The following STXBP6 variants were observed in gnomAD, a reference collection of about 807,000 sequenced individuals.
The protein encoded by STXBP6 is syntaxin-binding protein 6.
In STXBP6, 21 loss-of-function variants were observed where a neutral mutation model predicts 26.9. That is an observed-to-expected ratio of 0.78 (90% CI 0.55 to 1.12). STXBP6 has a LOEUF of 1.12. Ranked by LOEUF, STXBP6 falls within the 50% of genes most tolerant of loss-of-function variation. The pLI is 0.00. For missense variants in STXBP6, 232 were observed against 257.9 expected (o/e 0.90, Z 0.69); for synonymous variants, 97 against 92.6 (o/e 1.05, Z -0.27).
chr14:25,019,194 A>C (rs974219743), intron 1 of STXBP6, among the ~76,000 whole-genome samples: 7 of 152,226 alleles, frequency 4.6e-5, no homozygotes, highest in Admixed American at 3.3e-4. Flanking sequence ...TTATGTTCTT[A>C]CTAGAGACAA....
At chr14:24,945,166 T>TTTTTTTTTC (rs1491578209) in intron 2 of STXBP6, among the ~76,000 whole-genome samples, 1 of 143,782 alleles carries the variant, frequency 7.0e-6, no homozygotes, top group Admixed American at 7.0e-5. Flanking sequence ...TTTTTTTTTT[T>TTTTTTTTTC]AGCAGATTCC....
Position 24,812,676 on chromosome 14 carries a change from C to G in STXBP6, c.*33G>C. On this transcript the variant is annotated 3_prime_UTR_variant, in exon 6 of 6. Coordinates refer to ENST00000323944, the MANE Select transcript of STXBP6 (RefSeq NM_001394410.1). Reference sequence around the variant, plus strand: ...AACTGCTGAACAAACTCTTCAGTTTCTCTTAAGAAGAGTCACCAGGATAGG... The same window carrying G: ...AACTGCTGAACAAACTCTTCAGTTTGTCTTAAGAAGAGTCACCAGGATAGG... 6.2e-6 allele frequency: 10 copies of G among 1,609,656 alleles called. No individual in the cohort carries two copies. Among genetic ancestry groups the G allele is most frequent in the Non-Finnish European group, 7.7e-6 (9 of 1,176,060 alleles).
At chr14:24,904,914 A>G (rs147023599) in intron 2 of STXBP6, among the ~76,000 whole-genome samples, 1 of 152,340 alleles carries the variant, frequency 6.6e-6, no homozygotes, top group East Asian at 1.9e-4. Context: ...ATTTGATTAG[A>G]AAATTACCAT....
chr14:24,959,233 G>A (rs2073444958), intron 2 of STXBP6, among the ~76,000 whole-genome samples: 1 of 152,100 alleles, frequency 6.6e-6, no homozygotes, highest in Admixed American at 6.6e-5. Flanking sequence ...CAGATCAGTC[G>A]CTCTGAGGAA....
chr14:24,951,542 G>T (rs1237041006), intron 2 of STXBP6, among the ~76,000 whole-genome samples: 1 of 152,096 alleles, frequency 6.6e-6, no homozygotes, highest in Non-Finnish European at 1.5e-5. Flanking sequence ...GTCTGTTCAT[G>T]TCCTTTGCCC....
At chr14:24,840,841 T>C (rs1261756926) in intron 4 of STXBP6, among the ~76,000 whole-genome samples, 1 of 97,606 alleles carries the variant, frequency 1.0e-5, no homozygotes, top group East Asian at 3.0e-4. Flanking sequence ...ATGTAACTGC[T>C]TTTTTTTTTT....
rs562990634 is a variant in STXBP6, at chr14:25,041,087, C to T, written c.-33+8791G>A. On this transcript the variant is annotated intron_variant, in intron 1 of 5. Coordinates refer to ENST00000323944, the MANE Select transcript of STXBP6 (RefSeq NM_001394410.1). ...CTGTAATCCCAGCACTTTGGGAGGC[C>T]GAGGTGGGTGGATCACCTAGGTCAG... 3.9e-5 allele frequency among the ~76,000 whole-genome samples: 6 copies of T among 152,170 alleles called. No individual in the cohort carries two copies. In the South Asian group the frequency reaches 8.3e-4, roughly 21 times the overall value.
intron 5 of STXBP6, chr14:24,818,187 G>A: frequency 2.2e-6 from 1 of 454,946 alleles, no homozygotes; most frequent in Admixed American, 2.4e-5. Flanking sequence ...GTTTCTGGAA[G>A]GCTAAATTCA....
chr14:25,035,152 CAA>C (rs1168180231), intron 1 of STXBP6, among the ~76,000 whole-genome samples: 55 of 77,826 alleles, frequency 7.1e-4, no homozygotes, highest in Non-Finnish European at 6.6e-4. Context: ...ACTCTGTCTC[CAA>C]AAAAAAAAAA....
intron 2 of STXBP6, among the ~76,000 whole-genome samples, chr14:24,932,489 C>G (rs1162952694): frequency 6.6e-6 from 1 of 152,048 alleles, no homozygotes; most frequent in Non-Finnish European, 1.5e-5. Context: ...CATTGCACTG[C>G]AGCCTGGATG....
intron 2 of STXBP6, among the ~76,000 whole-genome samples, chr14:24,963,553 A>C (rs2140135949): frequency 6.6e-6 from 1 of 152,322 alleles, no homozygotes; most frequent in African/African-American, 2.4e-5. Context: ...AGAGGTTAAC[A>C]CTGAAAAACA....
At chr14:24,819,910 C>G (rs1279205272) in intron 4 of STXBP6, among the ~76,000 whole-genome samples, 2 of 152,094 alleles carry the variant, frequency 1.3e-5, no homozygotes, top group East Asian at 3.9e-4. Flanking sequence ...AGGTACAAAA[C>G]AGTGATAGAA....
At chr14:25,021,773 C>T (rs1370517612) in intron 1 of STXBP6, among the ~76,000 whole-genome samples, 2 of 152,192 alleles carry the variant, frequency 1.3e-5, no homozygotes, top group African/African-American at 2.4e-5. Context: ...TGAACCTAGG[C>T]CCCCTTTCTC....
At chr14:25,036,887 T>C (rs1318017132) in intron 1 of STXBP6, among the ~76,000 whole-genome samples, 2 of 148,852 alleles carry the variant, frequency 1.3e-5, no homozygotes, top group African/African-American at 2.5e-5. Flanking sequence ...AAATCAGCTA[T>C]ACCCTTCCTC....
At chr14:24,923,800 A>G (rs2072067177) in intron 2 of STXBP6, among the ~76,000 whole-genome samples, 2 of 152,070 alleles carry the variant, frequency 1.3e-5, no homozygotes, top group African/African-American at 4.8e-5. Context: ...TTCTGTAGTA[A>G]GTTTTATATT....
intron 2 of STXBP6, among the ~76,000 whole-genome samples, chr14:24,898,765 A>G (rs2071094890): frequency 6.6e-6 from 1 of 152,236 alleles, no homozygotes; most frequent in African/African-American, 2.4e-5. Context: ...AATAAAGAGA[A>G]TACCAAAAGC....
At chr14:24,914,274 C>G (rs1414907041) in intron 2 of STXBP6, among the ~76,000 whole-genome samples, 2 of 152,130 alleles carry the variant, frequency 1.3e-5, no homozygotes, top group Non-Finnish European at 2.9e-5. Context: ...TTCAGTATGA[C>G]AGATTAGTAC....
intron 2 of STXBP6, among the ~76,000 whole-genome samples, chr14:24,928,922 T>G (rs2139876646): frequency 6.6e-6 from 1 of 151,498 alleles, no homozygotes; most frequent in South Asian, 2.1e-4. Context: ...GTGTTGGAAA[T>G]TTCCATTAAA....
intron 2 of STXBP6, among the ~76,000 whole-genome samples, chr14:24,931,705 G>C (rs1179147493): frequency 6.6e-6 from 1 of 152,098 alleles, no homozygotes; most frequent in African/African-American, 2.4e-5. Flanking sequence ...ATGGTGATAA[G>C]GGCAATGAAA....
Sources: gnomAD v4.1 joint callset for allele counts (sites outside exome capture counted in the v4.1 genomes callset) on GRCh38, gnomAD v4.1.1 for gene constraint, MANE v1.5 for transcripts, NCBI Gene and HGNC (gene_info 2026-07-23, HGNC 2026-07-21) for gene names.